DNAH10: variants seen among roughly 807,000 people sequenced by gnomAD.
DNAH10 encodes the protein dynein axonemal heavy chain 10, also known as axonemal beta dynein heavy chain 10.
A neutral mutation model predicts 506.6 loss-of-function variants in DNAH10; 348 were observed. The ratio of observed to expected loss-of-function variants is 0.69; its 90% CI spans 0.63 to 0.75. The LOEUF (loss-of-function observed/expected upper bound fraction) is 0.75. Ranked by LOEUF, DNAH10 falls within the 30% of genes least tolerant of loss-of-function variation. The pLI is 0.00. For missense variants in DNAH10, 5,179 were observed against 5,787.1 expected (o/e 0.89, Z 3.41); for synonymous variants, 2,059 against 2,198.6 (o/e 0.94, Z 1.78).
In DNAH10 at chr12:123,917,549, C is replaced by T. The variant is rs756538124; in HGVS notation, c.11003-35C>T. ...AGCGGGAGAGACTGTTGTTGGGGGC[C>T]GCAGGTGGTGAGGGCCTCTCACTGT... On this transcript the variant is annotated intron_variant, in intron 63 of 78. Transcript: ENST00000673944. The surrounding 1 kb of genome is among the most constrained non-coding windows in gnomAD (Gnocchi z 5.6). 94 of 1,541,310 alleles carry T rather than the reference C, an allele frequency of 6.1e-5. No homozygotes were observed. In the African/African-American group the frequency reaches 1.2e-3, roughly 19 times the overall value.
intron 72 of DNAH10, 69 bp from the exon 73 acceptor site, chr12:123,930,333 C>T (rs1955146416): frequency 2.1e-6 from 3 of 1,400,782 alleles, no homozygotes; most frequent in Admixed American, 3.3e-5. Context: ...GAGCCTCTGG[C>T]CCCGGGCCCC....
intron 72 of DNAH10, 199 bp from the exon 73 acceptor site, chr12:123,930,203 T>C: frequency 1.8e-6 from 1 of 541,240 alleles, no homozygotes; most frequent in Non-Finnish European, 3.1e-6. Flanking sequence ...TTGGGCCCTA[T>C]CCCTTGGGAA....
In DNAH10 at chr12:123,772,850, T is replaced by C; in HGVS notation, c.413T>C (p.Ile138Thr). 12 of 1,606,408 alleles carry C rather than the reference T, an allele frequency of 7.5e-6. No individual in the cohort carries two copies. Among genetic ancestry groups the C allele is most frequent in the Non-Finnish European group, 1.0e-5 (12 of 1,176,980 alleles). ...KLPSKRTAKH[I>T]MEKMHLHMLC... ...ATGTTTCAGAGAACTGCGAAGCACA[T>C]CATGGAAAAGATGCATCTCCACATG... The change falls in exon 4 of 79, where the codon ATC (isoleucine) becomes ACC (threonine). Residue 138 changes from isoleucine to threonine, a missense_variant. Around this residue, in one of 3 missense-constraint regions of DNAH10, gnomAD observed 326 missense variants for 330.8 expected, o/e 0.99. Transcript: ENST00000673944.
Position 123,902,927 on chromosome 12 carries a change from C to A in DNAH10, c.9641-12C>A. 6.4e-7 allele frequency: 1 copy of A among 1,572,776 alleles called. No individual in the cohort carries two copies. Among genetic ancestry groups the A allele is most frequent in the Non-Finnish European group, 8.6e-7 (1 of 1,159,570 alleles). ...AGCCCAAGCTTTACTCACCCCCTGT[C>A]CTACCCTGCAGCCGAGGAGAAGAAG... On this transcript the variant is annotated splice_polypyrimidine_tract_variant and intron_variant, in intron 56 of 78. Coordinates refer to ENST00000673944, the MANE Select transcript of DNAH10 (RefSeq NM_001372106.1). The surrounding 1 kb of genome is among the most constrained non-coding windows in gnomAD (Gnocchi z 4.5).
chr12:123,849,144 C>G (rs1951067858), intron 34 of DNAH10, among the ~76,000 whole-genome samples: 1 of 152,152 alleles, frequency 6.6e-6, no homozygotes, highest in South Asian at 2.1e-4. Flanking sequence ...GCAGAGTTCT[C>G]AAATAAGTGA....
chr12:123,899,293 G>A (rs531602884), intron 56 of DNAH10, among the ~76,000 whole-genome samples: 4 of 152,146 alleles, frequency 2.6e-5, no homozygotes, highest in East Asian at 1.9e-4. Flanking sequence ...CTACCCTCTC[G>A]CGATGCCTGG....
intron 65 of DNAH10, chr12:123,923,554 T>C (rs1345510559): frequency 4.4e-6 from 2 of 457,466 alleles, no homozygotes; most frequent in African/African-American, 2.0e-5. Flanking sequence ...TACAGGAGCA[T>C]GTCACTACAG....
chr12:123,916,836 C>A lies in DNAH10; in HGVS notation c.11002+100C>A. The A allele has an allele frequency of 7.1e-7, 1 of 1,399,826 alleles. No individual in the cohort carries two copies. Among genetic ancestry groups the A allele is most frequent in the Non-Finnish European group, 9.5e-7 (1 of 1,047,546 alleles). 86.7% of individuals were successfully genotyped at this position (1,399,826 alleles called of 1,614,324 possible). On this transcript the variant is annotated intron_variant, in intron 63 of 78. Transcript: ENST00000673944. The surrounding 1 kb of genome is among the most constrained non-coding windows in gnomAD (Gnocchi z 4.6). ...ATGGGACATCATTTCACTCAGTGAC[C>A]CCAGATCATTCTCTCATAGGCACAT...
intron 1 of DNAH10, among the ~76,000 whole-genome samples, chr12:123,765,002 AT>A (rs1174105017): frequency 1.7e-4 from 26 of 151,778 alleles, no homozygotes; most frequent in Non-Finnish European, 2.9e-5. Flanking sequence ...GTTTCCCTAG[AT>A]TATTTTTGGG....
At chr12:123,827,982 C>G (rs1960162027) in intron 25 of DNAH10, among the ~76,000 whole-genome samples, 1 of 152,150 alleles carries the variant, frequency 6.6e-6, no homozygotes. Flanking sequence ...TTTATAATCC[C>G]ATAACCCAGT....
intron 67 of DNAH10, among the ~76,000 whole-genome samples, 178 bp downstream of exon 67, chr12:123,924,610 T>A (rs1954858430): frequency 6.6e-6 from 1 of 152,136 alleles, no homozygotes; most frequent in Admixed American, 6.5e-5. Context: ...GCTAGTTGTA[T>A]GGGAGATCCA....
intron 24 of DNAH10, among the ~76,000 whole-genome samples, chr12:123,825,119 A>G (rs1350309297): frequency 1.3e-5 from 2 of 152,188 alleles, no homozygotes; most frequent in Admixed American, 1.3e-4. Context: ...ACGTGTTTCC[A>G]GGAGGTAGGA....
chr12:123,897,984 G>T lies in DNAH10; in HGVS notation c.9478+17G>T. The T allele has an allele frequency of 6.5e-7, 1 of 1,538,058 alleles. No homozygotes were observed. The highest frequency in any genetic ancestry group is 1.4e-5 in the African/African-American group (1 of 70,660). ...GTAATATAGGTAAGCCTTGGGGATGGGGTGGTTGACAAAAGTCATTATTAT... is the reference window on the plus strand; with the variant it reads ...GTAATATAGGTAAGCCTTGGGGATGTGGTGGTTGACAAAAGTCATTATTAT... On this transcript the variant is annotated intron_variant, in intron 55 of 78. Transcript: ENST00000673944.
chr12:123,854,012 A>G (rs1951289322), intron 36 of DNAH10, among the ~76,000 whole-genome samples: 1 of 149,534 alleles, frequency 6.7e-6, no homozygotes, highest in East Asian at 1.9e-4. Flanking sequence ...GTTTGTGTCC[A>G]TAGGAGGAGA....
intron 5 of DNAH10, among the ~76,000 whole-genome samples, chr12:123,776,491 A>G (rs187484044): frequency 3.5e-4 from 54 of 152,168 alleles, no homozygotes; most frequent in African/African-American, 1.1e-3. Context: ...AGGATGGTGA[A>G]GTCATTACTG....
At position 123,897,860 on chromosome 12, in the gene DNAH10, A is replaced by G. The variant is rs777383190; in HGVS notation, c.9371A>G (p.Gln3124Arg). ...CAATCCGTGGACCACTACAGCCAAC[A>G]GTTTCTACAGAAATTGAGGCGCAGC... ...VHQSVDHYSQ[Q>R]FLQKLRRSNY... Residue 3124 changes from glutamine to arginine, a missense_variant, in exon 55 of 79, where the codon CAG becomes CGG. By Grantham distance (43) the Gln-to-Arg change is conservative. Around this residue, in one of 3 missense-constraint regions of DNAH10, gnomAD observed 4,844 missense variants for 5,430.5 expected, o/e 0.89. Coordinates refer to ENST00000673944, the MANE Select transcript of DNAH10 (RefSeq NM_001372106.1). The G allele has an allele frequency of 1.2e-6, 2 of 1,611,498 alleles. No individual in the cohort carries two copies. Among genetic ancestry groups the G allele is most frequent in the Non-Finnish European group, 1.7e-6 (2 of 1,179,270 alleles).
At position 123,833,130 on chromosome 12, in the gene DNAH10, T is replaced by C. The variant is rs1960754847; in HGVS notation, c.4562T>C (p.Leu1521Pro). 6.2e-7 allele frequency: 1 copy of C among 1,611,300 alleles called. No homozygotes were observed. The highest frequency in any genetic ancestry group is 8.5e-7 in the Non-Finnish European group (1 of 1,178,804). ...VAIEKAVKEI[L>P]DTWENMKFTV... ...CCTGAACAGGCTGTGAAGGAAATCC[T>C]AGACACGTGGGAAAATATGAAATTC... The change falls in exon 27 of 79, where the codon CTA becomes CCA. Residue 1521 changes from leucine to proline, a missense_variant. Physicochemically the swap from Leu to Pro is moderately conservative, Grantham distance 98 (BLOSUM62 -3). Transcript: ENST00000673944.
At chr12:123,803,945 C>T in intron 17 of DNAH10, 120 bp downstream of exon 17, 1 of 934,404 alleles carries the variant, frequency 1.1e-6, no homozygotes, top group Non-Finnish European at 1.5e-6. Context: ...CCATGAATGG[C>T]ATCAAACCAT....
chr12:123,894,795 G>T lies in DNAH10; in HGVS notation c.9280+72G>T. On this transcript the variant is annotated intron_variant, in intron 54 of 78. Coordinates refer to ENST00000673944, the MANE Select transcript of DNAH10 (RefSeq NM_001372106.1). ...AATTTATTTTCCCTTTTCTGACTTT[G>T]AATTCTGGTCTTGTAGATTTCTTCA... 5.2e-6 allele frequency: 7 copies of T among 1,358,148 alleles called. 1 individual carries two copies. 84.1% of individuals were successfully genotyped at this position (1,358,148 alleles called of 1,614,324 possible). A position where few individuals can be genotyped will look rare whatever the true frequency, so the allele number is the denominator to read the frequency against.
Sources: allele counts gnomAD v4.1 joint callset (sites outside exome capture counted in the v4.1 genomes callset), GRCh38; gene constraint gnomAD v4.1.1; regional missense constraint gnomAD v4.1.1; non-coding constraint Gnocchi (gnomAD v3.1); transcripts MANE v1.5; gene names NCBI Gene and HGNC (gene_info 2026-07-23, HGNC 2026-07-21).